Variants in HMGN5 observed in about 807,000 individuals in gnomAD.
HMGN5 encodes the protein high mobility group nucleosome binding domain 5, also known as high mobility group nucleosome-binding domain-containing protein 5.
Under a neutral mutation model 9.5 loss-of-function variants are expected in HMGN5, and 4 were observed. That is an observed-to-expected ratio of 0.42 (90% CI 0.21 to 0.96). The LOEUF is 0.96. Among genes scored for constraint, HMGN5 ranks in the 40% least tolerant of loss-of-function variants. The pLI is 0.30. For synonymous variants in HMGN5, 55 were observed against 57.1 expected (o/e 0.96, Z 0.16); for missense variants, 192 against 187.5 (o/e 1.02, Z -0.14).
intron 1 of HMGN5, among the ~76,000 whole-genome samples, chrX:81,200,959 G>C (rs1053928270): frequency 9.0e-6 from 1 of 111,501 alleles, no homozygotes; most frequent in Non-Finnish European, 1.9e-5. Context: ...TTCTTCATCT[G>C]TAAAATTAAT....
intron 1 of HMGN5, among the ~76,000 whole-genome samples, chrX:81,126,498 A>C (rs1275201360): frequency 9.0e-6 from 1 of 111,698 alleles, no homozygotes; most frequent in African/African-American, 3.3e-5. Flanking sequence ...TTTTGGTCTA[A>C]AGTAAGTCTG....
chrX:81,172,424 A>G (rs191644267), intron 1 of HMGN5, among the ~76,000 whole-genome samples: 184 of 110,621 alleles, frequency 1.7e-3, no homozygotes, highest in African/African-American at 5.8e-3. Context: ...TGTACTCTGA[A>G]ATATTAAGGA....
intron 1 of HMGN5, among the ~76,000 whole-genome samples, chrX:81,147,125 G>T (rs1391391455): frequency 8.9e-6 from 1 of 111,755 alleles, no homozygotes; most frequent in Non-Finnish European, 1.9e-5. Context: ...AGAAAAAAAG[G>T]GAATCCTCCC....
chrX:81,119,674 A>G, intron 3 of HMGN5, 114 bp downstream of exon 3: 1 of 589,099 alleles, frequency 1.7e-6, no homozygotes, highest in Non-Finnish European at 2.8e-6. Flanking sequence ...GGTATACCAT[A>G]TTGGAACTCA....
At chrX:81,173,707 T>C (rs1160287455) in intron 1 of HMGN5, among the ~76,000 whole-genome samples, 3 of 111,873 alleles carry the variant, frequency 2.7e-5, no homozygotes, top group Non-Finnish European at 5.7e-5. Context: ...TATTGGTAAT[T>C]CCTACAAAGC....
chrX:81,180,844 T>G (rs185720687), intron 1 of HMGN5, among the ~76,000 whole-genome samples: 2 of 112,004 alleles, frequency 1.8e-5, no homozygotes, highest in African/African-American at 6.5e-5. Context: ...ATGTGGCACA[T>G]GTACACCATG....
intron 1 of HMGN5, among the ~76,000 whole-genome samples, chrX:81,145,407 C>G (rs1215027261): frequency 1.8e-5 from 2 of 111,505 alleles, no homozygotes; most frequent in Admixed American, 9.6e-5. Context: ...CCACAGTAAG[C>G]TTCATAAGTG....
intron 1 of HMGN5, among the ~76,000 whole-genome samples, chrX:81,152,200 G>A (rs866790856): frequency 1.5e-4 from 17 of 111,344 alleles, no homozygotes; most frequent in Non-Finnish European, 2.3e-4. Flanking sequence ...CATCAGAGTG[G>A]ACAGGCAAGC....
At chrX:81,137,244 A>G (rs919525378) in intron 1 of HMGN5, among the ~76,000 whole-genome samples, 12 of 111,670 alleles carry the variant, frequency 1.1e-4, no homozygotes, top group Admixed American at 9.6e-5. Context: ...TCTAATTTAT[A>G]TAGATATAAC....
chrX:81,191,996 G>C (rs984746470), intron 1 of HMGN5, among the ~76,000 whole-genome samples: 20 of 111,465 alleles, frequency 1.8e-4, no homozygotes, highest in African/African-American at 6.5e-4. Flanking sequence ...TATAAGTAAA[G>C]TGTTGTTTCA....
chrX:81,119,723 T>G (rs1218785641), intron 3 of HMGN5, 65 bp downstream of exon 3: 3 of 962,731 alleles, frequency 3.1e-6, no homozygotes, highest in South Asian at 2.0e-5. Flanking sequence ...ATTTTTTAGC[T>G]GCTTATGTCA....
At chrX:81,138,789 G>A (rs1030360457) in intron 1 of HMGN5, among the ~76,000 whole-genome samples, 1 of 111,713 alleles carries the variant, frequency 9.0e-6, no homozygotes, top group African/African-American at 3.2e-5. Flanking sequence ...CAGTAAGTTT[G>A]GAAGATACGA....
intron 1 of HMGN5, among the ~76,000 whole-genome samples, chrX:81,135,281 A>G (rs765566005): frequency 7.7e-4 from 86 of 112,012 alleles, no homozygotes; most frequent in African/African-American, 2.6e-3. Flanking sequence ...TAAGAAAAAG[A>G]CAAACAACCC....
At chrX:81,136,008 C>G (rs1419764702) in intron 1 of HMGN5, among the ~76,000 whole-genome samples, 1 of 111,345 alleles carries the variant, frequency 9.0e-6, no homozygotes, top group African/African-American at 3.3e-5. Context: ...ACCAATTCCC[C>G]TTCCACTTTT....
intron 1 of HMGN5, among the ~76,000 whole-genome samples, chrX:81,189,291 A>G (rs2075487283): frequency 9.0e-6 from 1 of 111,324 alleles, no homozygotes; most frequent in Non-Finnish European, 1.9e-5. Context: ...TATTTTCTAG[A>G]TCCTGTAGGT....
rs760667065 is a variant in HMGN5, at chrX:81,183,266, GT to G, written c.-124+18470del. ...ATTTGCATAACTAAGAGAAAAGCAA[GT>G]GCTGATAGCCAAGACAATGAAAAAA... On this transcript the variant is annotated intron_variant, in intron 1 of 6. Transcript: ENST00000358130. 2.7e-5 allele frequency among the ~76,000 whole-genome samples: 3 copies of G among 111,999 alleles called. No homozygotes were observed. The South Asian group carries it at 1.1e-3, about 42-fold the overall frequency.
intron 1 of HMGN5, among the ~76,000 whole-genome samples, chrX:81,163,718 A>G (rs2075403762): frequency 8.9e-6 from 1 of 111,740 alleles, no homozygotes; most frequent in Non-Finnish European, 1.9e-5. Context: ...TTGTCTCTCT[A>G]TAGAAGTAAC....
chrX:81,168,632 T>C (rs2075417410), intron 1 of HMGN5, among the ~76,000 whole-genome samples: 1 of 111,836 alleles, frequency 8.9e-6, no homozygotes, highest in African/African-American at 3.3e-5. Flanking sequence ...AGTACTATTG[T>C]AGACTTTGCG....
chrX:81,179,571 A>G (rs962026528), intron 1 of HMGN5, among the ~76,000 whole-genome samples: 18 of 111,664 alleles, frequency 1.6e-4, no homozygotes, highest in Non-Finnish European at 1.9e-5. Flanking sequence ...ACAAATGGAA[A>G]AACATTCCAT....
Sources: allele counts gnomAD v4.1 joint callset (sites outside exome capture counted in the v4.1 genomes callset), GRCh38; gene constraint gnomAD v4.1.1; transcripts MANE v1.5; gene names NCBI Gene and HGNC (gene_info 2026-07-23, HGNC 2026-07-21).